Variants in THAP3 observed in about 807,000 individuals in gnomAD.
The protein encoded by THAP3 is THAP domain containing 3, also known as THAP domain-containing protein 3.
THAP3 carries 12 observed loss-of-function variants against 17.7 expected under a neutral mutation model. That is an observed-to-expected ratio of 0.68 (90% CI 0.43 to 1.10). The LOEUF (loss-of-function observed/expected upper bound fraction) is 1.10, where lower values mean the gene tolerates loss of function less well. Ranked by LOEUF, THAP3 falls within the 50% of genes least tolerant of loss-of-function variation. THAP3 has a pLI of 0.00. For synonymous variants in THAP3, 133 were observed against 126.9 expected (o/e 1.05, Z -0.32); for missense variants, 289 against 318.0 (o/e 0.91, Z 0.69).
Position 6,625,155 on chromosome 1 carries a change from T to A in THAP3, c.-64T>A. The A allele has an allele frequency of 2.2e-4, 247 of 1,103,760 alleles. No homozygotes were observed. Among genetic ancestry groups the A allele is most frequent in the Non-Finnish European group, 3.0e-4 (233 of 775,658 alleles). The allele number at this position is 1,103,760 out of a possible 1,614,324, so 68.4% of individuals were successfully genotyped here. ...GGCCCCGCCCCTCCCCGCAGGTCCC[T>A]CCCCTCTCCGCAGGCCCCGCCGCCG... On this transcript the variant is annotated 5_prime_UTR_variant, in exon 2 of 6. Coordinates refer to ENST00000054650, the MANE Select transcript of THAP3 (RefSeq NM_001195753.2).
chr1:6,635,392 C>T (rs1314292527), downstream of THAP3: 3 of 402,306 alleles, frequency 7.5e-6, no homozygotes, highest in South Asian at 3.3e-5. Flanking sequence ...CGGGACACAG[C>T]GGAGTCAGGG....
chr1:6,630,429 C>T (rs967042983), intron 4 of THAP3, 76 bp downstream of exon 4: 3 of 1,483,714 alleles, frequency 2.0e-6, no homozygotes, highest in Non-Finnish European at 2.8e-6. Context: ...ATTTTCCCAG[C>T]AAGGCCGGCC....
rs1641678730 is a variant in THAP3, at chr1:6,633,249, G to A, written c.*172G>A. 13 of 1,439,896 alleles carry A rather than the reference G, an allele frequency of 9.0e-6. No individual in the cohort carries two copies. Among genetic ancestry groups the A allele is most frequent in the Admixed American group, 5.7e-5 (2 of 35,110 alleles). 89.2% of individuals were successfully genotyped at this position (1,439,896 alleles called of 1,614,324 possible). ...GCTCCCCGGCGAGAGCCCCAATGCC[G>A]TCTGGGGGACGTTTAGAGGCGTGGC... On this transcript the variant is annotated 3_prime_UTR_variant, in exon 6 of 6. Coordinates refer to ENST00000054650, the MANE Select transcript of THAP3 (RefSeq NM_001195753.2).
At position 6,628,656 on chromosome 1, in the gene THAP3, G is replaced by A. The variant is rs766151074; in HGVS notation, c.232G>A (p.Val78Met). 6.2e-7 allele frequency: 1 copy of A among 1,613,532 alleles called. No homozygotes were observed. Among genetic ancestry groups the A allele is most frequent in the Non-Finnish European group, 8.5e-7 (1 of 1,179,960 alleles). The change falls in exon 3 of 6, where the codon GTG (valine) becomes ATG (methionine). Residue 78 changes from valine to methionine, a missense_variant. Coordinates refer to ENST00000054650, the MANE Select transcript of THAP3 (RefSeq NM_001195753.2). ...CCGCAAGAACCTAAAGCACAATGCC[G>A]TGCCCACGGTGTTCGCCTTTCAGGA... ...GNRKNLKHNAVPTVFAFQDPT... is the reference protein window; with the variant it reads ...GNRKNLKHNAMPTVFAFQDPT...
intron 2 of THAP3, 131 bp downstream of exon 2, chr1:6,625,423 T>G: frequency 1.4e-6 from 1 of 726,156 alleles, no homozygotes. Context: ...GCCGAGGTCC[T>G]GGGCCCAGAG....
chr1:6,632,545 T>C (rs1641647213), intron 5 of THAP3, 50 bp downstream of exon 5: 3 of 1,610,292 alleles, frequency 1.9e-6, no homozygotes, highest in African/African-American at 2.7e-5. Context: ...GATGACTTGC[T>C]CCAAACAAAA....
At chr1:6,633,864 C>T (rs527327436), downstream of THAP3, among the ~76,000 whole-genome samples, 3 of 150,956 alleles carry the variant, frequency 2.0e-5, no homozygotes, top group African/African-American at 4.9e-5. Context: ...GAGCCGAGAT[C>T]ACACCACTGC....
chr1:6,631,924 C>T (rs187340298), intron 4 of THAP3, among the ~76,000 whole-genome samples: 1 of 150,770 alleles, frequency 6.6e-6, no homozygotes, highest in Non-Finnish European at 1.5e-5. Context: ...GTGGCATGTG[C>T]CTGTAGTCCC....
downstream of THAP3, chr1:6,633,986 T>G: frequency 6.3e-7 from 1 of 1,598,576 alleles, no homozygotes; most frequent in Non-Finnish European, 8.6e-7. Context: ...AGTTCTAGCC[T>G]GATTTCCTAA....
downstream of THAP3, chr1:6,634,245 C>A: frequency 1.1e-6 from 1 of 872,030 alleles, no homozygotes; most frequent in Non-Finnish European, 1.7e-6. Context: ...GGATGGGTGC[C>A]CAGAAGCACC....
At chr1:6,631,645 CTGTAAT>C (rs1641617981) in intron 4 of THAP3, among the ~76,000 whole-genome samples, 1 of 151,942 alleles carries the variant, frequency 6.6e-6, no homozygotes, top group Admixed American at 6.6e-5. Context: ...TGGCTCACAC[CTGTAAT>C]CCTAGCACTT....
rs200520987 is a variant in THAP3 at position 6,628,548 on chromosome 1, G to A, written c.124G>A (p.Gly42Ser). 172 of 1,613,618 alleles carry A rather than the reference G, an allele frequency of 1.1e-4. No homozygotes were observed. Among genetic ancestry groups the A allele is most frequent in the Non-Finnish European group, 1.4e-4 (166 of 1,179,988 alleles). The change falls in exon 3 of 6, where the codon GGC (glycine) becomes AGC (serine). Residue 42 changes from glycine (G) to serine (S), a missense_variant. Transcript: ENST00000054650. ...ELLKEWVLNI[G>S]RGNFKPKQHT... ...GCTGAAGGAATGGGTGCTGAACATC[G>A]GCCGGGGCAACTTCAAGCCCAAGCA...
intron 2 of THAP3, among the ~76,000 whole-genome samples, chr1:6,626,182 C>T (rs1475341031): frequency 6.6e-6 from 1 of 152,066 alleles, no homozygotes; most frequent in African/African-American, 2.4e-5. Context: ...AGGTGGTGTG[C>T]CCCTGTAGTC....
downstream of THAP3, chr1:6,634,256 T>C: frequency 1.1e-6 from 1 of 869,946 alleles, no homozygotes; most frequent in South Asian, 1.8e-5. Flanking sequence ...CAGAAGCACC[T>C]GCGGCAGAGG....
Position 6,633,122 on chromosome 1 carries a change from G to A in THAP3, c.*45G>A, listed in dbSNP as rs776240338. 6.4e-6 allele frequency: 10 copies of A among 1,553,862 alleles called. No individual in the cohort carries two copies. Among genetic ancestry groups the A allele is most frequent in the African/African-American group, 1.4e-5 (1 of 72,824 alleles). On this transcript the variant is annotated 3_prime_UTR_variant, in exon 6 of 6. Transcript: ENST00000054650. Reference sequence around the variant, plus strand: ...CAGAGGTGGCAGTGGCACCAGGGCCGGCAGAGCTTTGGAGCTCTGGCTGTG... The same window carrying A: ...CAGAGGTGGCAGTGGCACCAGGGCCAGCAGAGCTTTGGAGCTCTGGCTGTG...
chr1:6,625,402 C>G, intron 2 of THAP3, 110 bp downstream of exon 2: 1 of 1,050,134 alleles, frequency 9.5e-7, no homozygotes, highest in Non-Finnish European at 1.3e-6. Flanking sequence ...GGCCGCTGGG[C>G]CCGGGGACAG....
rs747979143 is a variant in THAP3, at chr1:6,628,508, C to T, written c.84C>T (p.Phe28=). The T allele has an allele frequency of 1.2e-6, 2 of 1,611,786 alleles. No homozygotes were observed. Among genetic ancestry groups the T allele is most frequent in the South Asian group, 1.1e-5 (1 of 90,658 alleles). The change falls in exon 3 of 6, where the codon TTC becomes TTT. Residue 28 remains phenylalanine, a synonymous_variant. Transcript: ENST00000054650. Reference sequence around the variant, plus strand: ...GTGCCTCTGCCCTTAGGTTTCCGTTCAGCCGCCCGGAGCTGCTGAAGGAAT... The same window carrying T: ...GTGCCTCTGCCCTTAGGTTTCCGTTTAGCCGCCCGGAGCTGCTGAAGGAAT... ...RKQLTFHRFP[F]SRPELLKEWV...
intron 2 of THAP3, chr1:6,628,244 C>G (rs1449661712): frequency 2.2e-6 from 1 of 464,548 alleles, no homozygotes; most frequent in African/African-American, 2.0e-5. Context: ...TCCTGGTAGG[C>G]TCCTGGCAAA....
At chr1:6,634,272 G>A (rs969052560), downstream of THAP3, 12 of 855,186 alleles carry the variant, frequency 1.4e-5, no homozygotes, top group East Asian at 1.1e-4. Context: ...AGAGGCGCAC[G>A]GGAAGCCCGG....
Sources: gnomAD v4.1 joint callset for allele counts (sites outside exome capture counted in the v4.1 genomes callset) on GRCh38, gnomAD v4.1.1 for gene constraint, MANE v1.5 for transcripts, NCBI Gene and HGNC (gene_info 2026-07-23, HGNC 2026-07-21) for gene names.